Variants in COL14A1 observed in about 807,000 individuals in gnomAD.
COL14A1 encodes the protein collagen type XIV alpha 1 chain.
Under a neutral mutation model 230.3 loss-of-function variants are expected in COL14A1, and 136 were observed. The ratio of observed to expected loss-of-function variants is 0.59; its 90% CI spans 0.51 to 0.68. The LOEUF (loss-of-function observed/expected upper bound fraction) is 0.68. COL14A1 is among the 30% of genes least tolerant of loss of function. The probability of loss-of-function intolerance (pLI) is 0.00; values close to 1 mark genes in which losing one functional copy is unlikely to be tolerated. For synonymous variants in COL14A1, 792 were observed against 784.1 expected, an observed-to-expected ratio of 1.01 and a Z score of -0.17; for missense variants, 1,976 against 2,215.8, an observed-to-expected ratio of 0.89 and a Z score of 2.17.
chr8:120,228,577 T>G (rs1818164366), intron 17 of COL14A1, 133 bp from the exon 18 acceptor site: 3 of 664,418 alleles, frequency 4.5e-6, no homozygotes, highest in Non-Finnish European at 5.4e-6. Context: ...TCTTTCGTCT[T>G]CTAACCATTG....
rs1461542820 is a variant in COL14A1 at position 120,216,272 on chromosome 8, T to C, written c.1598-79T>C. The C allele has an allele frequency of 3.9e-5, 46 of 1,192,766 alleles. No individual in the cohort carries two copies. The South Asian group carries it at 6.2e-4, about 16-fold the overall frequency. 73.9% of individuals were successfully genotyped at this position (1,192,766 alleles called of 1,614,324 possible). A position where few individuals can be genotyped will look rare whatever the true frequency, so the allele number is the denominator to read the frequency against. On this transcript the variant is annotated intron_variant, in intron 13 of 47. Coordinates refer to ENST00000297848, the MANE Select transcript of COL14A1 (RefSeq NM_021110.4). ...TGACACTTTTCATATGTAAATAGTT[T>C]AGAAGTCAAAGATGCAATTTCTTTT...
At chr8:120,335,604 A>T (rs1169048083) in intron 42 of COL14A1, among the ~76,000 whole-genome samples, 1 of 152,184 alleles carries the variant, frequency 6.6e-6, no homozygotes, top group African/African-American at 2.4e-5. Flanking sequence ...ATGTCTGTCT[A>T]GGAAGGCATG....
intron 1 of COL14A1, among the ~76,000 whole-genome samples, chr8:120,133,505 G>T (rs1228838509): frequency 6.6e-6 from 1 of 152,092 alleles, no homozygotes; most frequent in Non-Finnish European, 1.5e-5. Context: ...TAATATAATT[G>T]TCATGTTAAA....
intron 1 of COL14A1, among the ~76,000 whole-genome samples, chr8:120,125,597 G>C (rs1814302142): frequency 6.6e-6 from 1 of 152,128 alleles, no homozygotes; most frequent in Non-Finnish European, 1.5e-5. Flanking sequence ...GAAATACCAT[G>C]TGCTGCTCCG....
intron 21 of COL14A1, 35 bp downstream of exon 21, chr8:120,247,770 G>C: frequency 6.2e-7 from 1 of 1,602,998 alleles, no homozygotes; most frequent in Non-Finnish European, 8.5e-7. Context: ...TTGATACCAT[G>C]AGTAGTCACT....
chr8:120,334,585 A>AACACACACACACACAC lies in COL14A1; in HGVS notation c.4785+1869_4785+1884dup, dbSNP rs3054171. ...AAAAATGCATGCGTTCACACACAAAAACACACACACACACACACACACACA... is the reference window on the plus strand; with the variant it reads ...AAAAATGCATGCGTTCACACACAAAAACACACACACACACACACACACACACACACACACACACACA... On this transcript the variant is annotated intron_variant, in intron 42 of 47. Coordinates refer to ENST00000297848, the MANE Select transcript of COL14A1 (RefSeq NM_021110.4). Among the ~76,000 whole-genome samples, 71 of 144,770 alleles carry AACACACACACACACAC rather than the reference A, an allele frequency of 4.9e-4. No individual in the cohort carries two copies. In the East Asian group the frequency reaches 6.7e-3, roughly 14 times the overall value. 95.0% of individuals were successfully genotyped at this position (144,770 alleles called of 152,430 possible).
At chr8:120,162,607 T>C in intron 4 of COL14A1, 38 bp downstream of exon 4, 3 of 1,532,390 alleles carry the variant, frequency 2.0e-6, no homozygotes, top group Non-Finnish European at 2.6e-6. Context: ...TCCGCAGGAC[T>C]CTGTCCCAGC....
At chr8:120,173,682 C>CAGA (rs1816175019) in intron 5 of COL14A1, among the ~76,000 whole-genome samples, 2 of 151,624 alleles carry the variant, frequency 1.3e-5, no homozygotes, top group Admixed American at 6.6e-5. Context: ...ATCTATCTAT[C>CAGA]TATCTATCTA....
At position 120,367,234 on chromosome 8, in the gene COL14A1, C is replaced by A. The variant is rs1158836427; in HGVS notation, c.5141C>A (p.Pro1714His). 38 of 1,612,938 alleles carry A rather than the reference C, an allele frequency of 2.4e-5. No homozygotes were observed. The highest frequency in any genetic ancestry group is 3.2e-5 in the Non-Finnish European group (38 of 1,179,430). ...PGVGTQGPRG[P>H]PGPAGPSGES... Reference sequence around the variant, plus strand: ...GTTGGAACCCAAGGTCCAAGAGGCCCCCCTGGACCAGCAGGTAAATCTTCC... The same window carrying A: ...GTTGGAACCCAAGGTCCAAGAGGCCACCCTGGACCAGCAGGTAAATCTTCC... The change falls in exon 46 of 48, where the codon CCC (proline) becomes CAC (histidine). Residue 1714 changes from proline (P) to histidine (H), a missense_variant. Coordinates refer to ENST00000297848, the MANE Select transcript of COL14A1 (RefSeq NM_021110.4).
chr8:120,207,113 T>A lies in COL14A1; in HGVS notation c.1191+19T>A. The A allele has an allele frequency of 6.3e-7, 1 of 1,592,848 alleles. No homozygotes were observed. Among genetic ancestry groups the A allele is most frequent in the Non-Finnish European group, 8.5e-7 (1 of 1,170,576 alleles). Reference sequence around the variant, plus strand: ...AGACGAGGTAATAAGGAGAGAGTATTTTCAAACCATTCTTTTTATTCTCTC... The same window carrying A: ...AGACGAGGTAATAAGGAGAGAGTATATTCAAACCATTCTTTTTATTCTCTC... On this transcript the variant is annotated intron_variant, in intron 10 of 47. Transcript: ENST00000297848.
chr8:120,349,661 T>C (rs942416358), intron 45 of COL14A1, among the ~76,000 whole-genome samples: 3 of 138,366 alleles, frequency 2.2e-5, no homozygotes, highest in African/African-American at 8.7e-5. Flanking sequence ...ATGAATGAAA[T>C]GAAGCGAGAA....
intron 34 of COL14A1, among the ~76,000 whole-genome samples, chr8:120,290,980 G>T (rs945179798): frequency 6.6e-6 from 1 of 152,296 alleles, no homozygotes; most frequent in South Asian, 2.1e-4. Flanking sequence ...TTATGGATTA[G>T]ATGTTTAGGA....
chr8:120,242,534 ACCC>A (rs1486898199), intron 19 of COL14A1, among the ~76,000 whole-genome samples: 3 of 152,166 alleles, frequency 2.0e-5, no homozygotes, highest in Non-Finnish European at 4.4e-5. Context: ...TAAGAGAAAC[ACCC>A]TGAGGGAAGC....
At chr8:120,248,603 TCTC>T (rs1336738332) in intron 21 of COL14A1, among the ~76,000 whole-genome samples, 2 of 152,180 alleles carry the variant, frequency 1.3e-5, no homozygotes, top group African/African-American at 4.8e-5. Context: ...ATGCCTGTAA[TCTC>T]AGCCCTTTGG....
chr8:120,342,578 A>G (rs990925532), intron 44 of COL14A1, 132 bp downstream of exon 44: 1 of 822,536 alleles, frequency 1.2e-6, no homozygotes. Flanking sequence ...TAAGCTTTAC[A>G]GATGACCATC....
chr8:120,356,997 A>G (rs1823010599), intron 45 of COL14A1, among the ~76,000 whole-genome samples: 1 of 151,806 alleles, frequency 6.6e-6, no homozygotes, highest in African/African-American at 2.4e-5. Flanking sequence ...TCTTTTATTG[A>G]TTTTTTTTAT....
intron 39 of COL14A1, 102 bp downstream of exon 39, chr8:120,315,688 G>A: frequency 9.8e-7 from 1 of 1,018,768 alleles, no homozygotes. Flanking sequence ...CTTGGTAAGT[G>A]TTTTCCATAT....
chr8:120,174,916 C>T (rs1816226212), intron 5 of COL14A1, among the ~76,000 whole-genome samples: 1 of 152,104 alleles, frequency 6.6e-6, no homozygotes, highest in South Asian at 2.1e-4. Context: ...CCCTGCTCCA[C>T]CCCAACCAGG....
chr8:120,180,967 A>G (rs1816446634), intron 5 of COL14A1, among the ~76,000 whole-genome samples: 1 of 152,122 alleles, frequency 6.6e-6, no homozygotes, highest in African/African-American at 2.4e-5. Context: ...TCAGCCTCCC[A>G]AAGTGCTGGG....
Sources: allele counts gnomAD v4.1 joint callset (sites outside exome capture counted in the v4.1 genomes callset), GRCh38; gene constraint gnomAD v4.1.1; transcripts MANE v1.5; gene names NCBI Gene and HGNC (gene_info 2026-07-23, HGNC 2026-07-21).